Variants in AGGF1 observed in about 807,000 individuals in gnomAD.
AGGF1 encodes the protein angiogenic factor with G patch and FHA domains 1.
Under a neutral mutation model 86.5 loss-of-function variants are expected in AGGF1, and 56 were observed. The observed-to-expected ratio is 0.65, with a 90% CI of 0.52 to 0.81. The LOEUF (loss-of-function observed/expected upper bound fraction) is 0.81. Ranked by LOEUF, AGGF1 falls within the 30% of genes least tolerant of loss-of-function variation. AGGF1 has a pLI of 0.00. For missense variants in AGGF1, 816 were observed against 850.9 expected, an observed-to-expected ratio of 0.96 and a Z score of 0.51; for synonymous variants, 313 against 297.1, an observed-to-expected ratio of 1.05 and a Z score of -0.55.
chr5:77,057,064 C>T (rs1747474750), intron 11 of AGGF1, among the ~76,000 whole-genome samples: 1 of 152,162 alleles, frequency 6.6e-6, no homozygotes, highest in Non-Finnish European at 1.5e-5. Flanking sequence ...TGAGATACCA[C>T]TACACATCTA....
chr5:77,037,863 G>A (rs1018830415), intron 4 of AGGF1, among the ~76,000 whole-genome samples: 3 of 152,166 alleles, frequency 2.0e-5, no homozygotes, highest in Non-Finnish European at 4.4e-5. Context: ...CACTGACTAG[G>A]ATAGAACCAG....
In AGGF1 at chr5:77,036,570, A is replaced by G. The variant is rs1340513404; in HGVS notation, c.531A>G (p.Ala177=). 6.2e-7 allele frequency: 1 copy of G among 1,614,148 alleles called. No homozygotes were observed. ...FASNSQEPAS[A]LATEDTSLEG... ...ATCTTTTATAGGAGCCAGCATCTGC[A>G]TTAGCAACAGAAGATACCTCCTTAG... The change falls in exon 4 of 14, where the codon GCA becomes GCG. Residue 177 remains alanine (A), a synonymous_variant. Coordinates refer to ENST00000312916, the MANE Select transcript of AGGF1 (RefSeq NM_018046.5).
chr5:77,041,857 C>T (rs1376262989), intron 5 of AGGF1, among the ~76,000 whole-genome samples: 1 of 143,680 alleles, frequency 7.0e-6, no homozygotes, highest in East Asian at 2.0e-4. Flanking sequence ...GTGTTTCTCA[C>T]AGAGGGGGAT....
chr5:77,052,838 C>T (rs957595631), intron 9 of AGGF1, 31 bp downstream of exon 9: 3 of 1,508,644 alleles, frequency 2.0e-6, no homozygotes, highest in Non-Finnish European at 2.8e-6. Flanking sequence ...TTGTTACCTG[C>T]ACATTATTTT....
chr5:77,035,631 CT>C lies in AGGF1; in HGVS notation c.405del (p.Ile136PhefsTer2). On this transcript the variant is annotated frameshift_variant, in exon 3 of 14. Coordinates refer to ENST00000312916, the MANE Select transcript of AGGF1 (RefSeq NM_018046.5). LOFTEE classifies it high-confidence loss of function. ...SDQQDQAIET[S>X]ILNSKDHLQV... The stretch of plus-strand genomic sequence containing the variant: ...CAACAAGATCAAGCTATCGAAACTT[CT>C]ATTTTGAATTCTAAAGACCATTTAC... The C allele has an allele frequency of 6.2e-7, 1 of 1,613,548 alleles. No individual in the cohort carries two copies. Among genetic ancestry groups the C allele is most frequent in the Non-Finnish European group, 8.5e-7 (1 of 1,179,654 alleles).
intron 13 of AGGF1, 122 bp downstream of exon 13, chr5:77,061,924 A>G: frequency 1.1e-6 from 1 of 881,318 alleles, no homozygotes; most frequent in Non-Finnish European, 1.9e-6. Flanking sequence ...AGACATGATT[A>G]CTGCCTTTGT....
chr5:77,036,397 G>A (rs1166350932), intron 3 of AGGF1, among the ~76,000 whole-genome samples, 159 bp from the exon 4 acceptor site: 3 of 152,192 alleles, frequency 2.0e-5, no homozygotes, highest in East Asian at 3.8e-4. Context: ...ACTAGTAAAT[G>A]TTGTAATAAG....
chr5:77,061,569 T>C, intron 12 of AGGF1, 134 bp from the exon 13 acceptor site: 1 of 763,590 alleles, frequency 1.3e-6, no homozygotes, highest in South Asian at 1.6e-5. Flanking sequence ...AATTTGTGTG[T>C]CTTCAACTTT....
chr5:77,041,796 T>TTTTAA (rs746387716), intron 5 of AGGF1, among the ~76,000 whole-genome samples: 23 of 129,766 alleles, frequency 1.8e-4, no homozygotes, highest in Admixed American at 5.5e-4. Context: ...TTTATTTATT[T>TTTTAA]ATTTATTTAT....
chr5:77,046,108 T>C (rs1161093934), intron 5 of AGGF1, among the ~76,000 whole-genome samples: 2 of 152,182 alleles, frequency 1.3e-5, no homozygotes, highest in Non-Finnish European at 2.9e-5. Context: ...CGTAATTTTA[T>C]ATATGGTTAA....
At chr5:77,042,111 G>T (rs1025130569) in intron 5 of AGGF1, among the ~76,000 whole-genome samples, 3 of 151,858 alleles carry the variant, frequency 2.0e-5, no homozygotes, top group Non-Finnish European at 4.4e-5. Context: ...ACATGTTTCA[G>T]AGAGCACAGG....
At chr5:77,051,000 A>G (rs899137790) in intron 8 of AGGF1, among the ~76,000 whole-genome samples, 1 of 152,208 alleles carries the variant, frequency 6.6e-6, no homozygotes, top group African/African-American at 2.4e-5. Context: ...CCTTTTGGGA[A>G]TGTAATTTAG....
intron 6 of AGGF1, among the ~76,000 whole-genome samples, chr5:77,047,298 T>C (rs962091827): frequency 1.3e-5 from 2 of 152,196 alleles, no homozygotes; most frequent in Non-Finnish European, 2.9e-5. Context: ...TTATATAGCA[T>C]TTACATTGTA....
chr5:77,036,808 G>A, intron 4 of AGGF1, 88 bp downstream of exon 4: 1 of 1,422,602 alleles, frequency 7.0e-7, no homozygotes. Flanking sequence ...AGTGATCTCA[G>A]CTCACTGCAA....
At position 77,046,652 on chromosome 5, in the gene AGGF1, A is replaced by G. The variant is rs754557456; in HGVS notation, c.1176A>G (p.Val392=). ...AAGCCATTACCAGTGAAGGCAATGTAACTGCAGAAGATAGTGAGGATGAAG... is the reference window on the plus strand; with the variant it reads ...AAGCCATTACCAGTGAAGGCAATGTGACTGCAGAAGATAGTGAGGATGAAG... ...YDEAITSEGN[V]TAEDSEDEDE... Residue 392 remains valine (V), a synonymous_variant, in exon 6 of 14, where the codon GTA becomes GTG. Transcript: ENST00000312916. The G allele has an allele frequency of 6.2e-7, 1 of 1,614,046 alleles. No individual in the cohort carries two copies. The highest frequency in any genetic ancestry group is 1.1e-5 in the South Asian group (1 of 91,066).
intron 1 of AGGF1, 137 bp from the exon 2 acceptor site, chr5:77,034,281 A>C: frequency 1.2e-5 from 8 of 659,706 alleles, no homozygotes; most frequent in Non-Finnish European, 1.9e-5. Flanking sequence ...TAAAATAATA[A>C]TTTTAGCTTT....
intron 3 of AGGF1, chr5:77,036,039 C>T (rs1488500696): frequency 3.1e-6 from 1 of 326,890 alleles, no homozygotes; most frequent in Non-Finnish European, 5.7e-6. Flanking sequence ...ACAACAATAC[C>T]ACATTTACAC....
chr5:77,064,693 G>T lies in AGGF1; in HGVS notation c.*1441G>T, dbSNP rs1469480225. The T allele has an allele frequency of 6.6e-6, 1 of 152,200 alleles. No homozygotes were observed. Among genetic ancestry groups the T allele is most frequent in the Non-Finnish European group, 1.5e-5 (1 of 68,040 alleles). 9.4% of individuals were successfully genotyped at this position (152,200 alleles called of 1,614,324 possible). A position where few individuals can be genotyped will look rare whatever the true frequency, so the allele number is the denominator to read the frequency against. ...GTATGTACAGTTAGACTTGCAGGCT[G>T]CAGGAGTGCCCTGCATTGTTTTCTT... On this transcript the variant is annotated 3_prime_UTR_variant, in exon 14 of 14. Transcript: ENST00000312916.
At position 77,041,257 on chromosome 5, in the gene AGGF1, G is replaced by C. The variant is rs562458660; in HGVS notation, c.870+1538G>C. 1.2e-4 allele frequency among the ~76,000 whole-genome samples: 19 copies of C among 152,214 alleles called. No individual in the cohort carries two copies. The South Asian group carries it at 3.1e-3, about 25-fold the overall frequency. On this transcript the variant is annotated intron_variant, in intron 5 of 13. Transcript: ENST00000312916. ...TAATGGCTTGTGCTTGTTACTAGTG[G>C]TTTGATTGTTTGAAAGGCTAGGTTG...
Sources: gnomAD v4.1 joint callset for allele counts (sites outside exome capture counted in the v4.1 genomes callset) on GRCh38, gnomAD v4.1.1 for gene constraint, MANE v1.5 for transcripts, NCBI Gene and HGNC (gene_info 2026-07-23, HGNC 2026-07-21) for gene names.